GALNT7: variants seen among roughly 807,000 people sequenced by gnomAD.
GALNT7 encodes N-acetylgalactosaminyltransferase 7.
GALNT7 carries 60 observed loss-of-function variants against 82.1 expected under a neutral mutation model. That is an observed-to-expected ratio of 0.73 (90% confidence interval 0.59 to 0.91). The LOEUF (loss-of-function observed/expected upper bound fraction) is 0.91. GALNT7 is among the 40% of genes least tolerant of loss of function. GALNT7 has a pLI of 0.00. For synonymous variants in GALNT7, 243 were observed against 275.1 expected (o/e 0.88, Z 1.15); for missense variants, 660 against 804.2 (o/e 0.82, Z 2.17).
rs75599494 is a variant in GALNT7 at position 173,289,940 on chromosome 4, G to C, written c.588-2168G>C. On this transcript the variant is annotated intron_variant, in intron 2 of 11. Transcript: ENST00000265000. ...CAGTTCTAGAGGGTATCTCAAAGTAGAAAGATTGTGGGGTGAAGAATAGAC... is the reference window on the plus strand; with the variant it reads ...CAGTTCTAGAGGGTATCTCAAAGTACAAAGATTGTGGGGTGAAGAATAGAC... Among the ~76,000 whole-genome samples, 802 of 152,294 alleles carry C rather than the reference G, an allele frequency of 5.3e-3. 10 individuals carry two copies. The highest frequency in any genetic ancestry group is 0.019 in the African/African-American group (775 of 41,566).
chr4:173,309,664 A>T (rs1737304545), intron 8 of GALNT7, among the ~76,000 whole-genome samples: 1 of 152,226 alleles, frequency 6.6e-6, no homozygotes, highest in Non-Finnish European at 1.5e-5. Context: ...AGTCAAGTTT[A>T]TTGTTGGCTG....
intron 1 of GALNT7, among the ~76,000 whole-genome samples, chr4:173,213,440 A>G (rs1399304509): frequency 6.6e-6 from 1 of 152,128 alleles, no homozygotes; most frequent in Non-Finnish European, 1.5e-5. Flanking sequence ...GAAGCTGGCA[A>G]GAAAAAAAAA....
intron 8 of GALNT7, among the ~76,000 whole-genome samples, chr4:173,311,121 C>A (rs1003979090): frequency 1.3e-5 from 2 of 152,234 alleles, no homozygotes; most frequent in Admixed American, 6.5e-5. Context: ...ATTTGTCATA[C>A]TGCATTTGCT....
chr4:173,311,322 C>T (rs1039972822), intron 8 of GALNT7, among the ~76,000 whole-genome samples: 3 of 152,160 alleles, frequency 2.0e-5, no homozygotes, highest in Non-Finnish European at 4.4e-5. Context: ...TGTCTAATTT[C>T]GTATGGATTT....
intron 1 of GALNT7, among the ~76,000 whole-genome samples, chr4:173,176,144 G>T (rs989240204): frequency 6.6e-6 from 1 of 152,178 alleles, no homozygotes; most frequent in Non-Finnish European, 1.5e-5. Context: ...GTCAGGGAAG[G>T]TGATGGCCAG....
In GALNT7 at chr4:173,302,552, G is replaced by T. The variant is rs577950032; in HGVS notation, c.1266+388G>T. Among the ~76,000 whole-genome samples, 1 of 152,304 alleles carries T rather than the reference G, an allele frequency of 6.6e-6. No homozygotes were observed. Among genetic ancestry groups the T allele is most frequent in the African/African-American group, 2.4e-5 (1 of 41,576 alleles). On this transcript the variant is annotated intron_variant, in intron 7 of 11. Transcript: ENST00000265000. The surrounding 1 kb of genome is among the most constrained non-coding windows in gnomAD (Gnocchi z 4.2). ...TTTACCACTGTAGGACATGATTCAA[G>T]ACAGAAGCAGAGCCCCACAATGACT...
intron 1 of GALNT7, among the ~76,000 whole-genome samples, chr4:173,173,869 A>T (rs115255227): frequency 2.6e-3 from 400 of 152,342 alleles, no homozygotes; most frequent in African/African-American, 9.0e-3. Context: ...TTTGAAAGGA[A>T]TATAGCTTAA....
At chr4:173,301,084 G>T (rs966192107) in intron 6 of GALNT7, among the ~76,000 whole-genome samples, 2 of 151,802 alleles carry the variant, frequency 1.3e-5, no homozygotes, top group Non-Finnish European at 2.9e-5. Flanking sequence ...GCAGTGAGCC[G>T]CAATCATGCC....
At chr4:173,218,083 T>G (rs1733526371) in intron 1 of GALNT7, among the ~76,000 whole-genome samples, 1 of 152,200 alleles carries the variant, frequency 6.6e-6, no homozygotes, top group Non-Finnish European at 1.5e-5. Context: ...GGAGACAGAT[T>G]AAATTTCAAT....
chr4:173,252,528 A>T (rs765374628), intron 2 of GALNT7, among the ~76,000 whole-genome samples: 1 of 152,158 alleles, frequency 6.6e-6, no homozygotes, highest in Non-Finnish European at 1.5e-5. Flanking sequence ...CATGACTCAC[A>T]CTTCTGTATG....
At chr4:173,291,840 C>T (rs1736545318) in intron 2 of GALNT7, among the ~76,000 whole-genome samples, 2 of 148,758 alleles carry the variant, frequency 1.3e-5, no homozygotes, top group African/African-American at 4.9e-5. Context: ...TAAATACTAT[C>T]TTAAGTGTCC....
intron 1 of GALNT7, among the ~76,000 whole-genome samples, chr4:173,233,115 A>G (rs1215414685): frequency 2.0e-5 from 3 of 152,136 alleles, no homozygotes; most frequent in African/African-American, 4.8e-5. Context: ...TACATACCAC[A>G]TTTTCTTTAT....
chr4:173,231,102 A>T (rs1210430365), intron 1 of GALNT7, among the ~76,000 whole-genome samples: 1 of 152,220 alleles, frequency 6.6e-6, no homozygotes, highest in Non-Finnish European at 1.5e-5. Flanking sequence ...TTTAGTCCTT[A>T]CTTATGGGAC....
At chr4:173,184,049 G>A (rs1187249276) in intron 1 of GALNT7, among the ~76,000 whole-genome samples, 2 of 151,798 alleles carry the variant, frequency 1.3e-5, no homozygotes, top group African/African-American at 4.8e-5. Context: ...TGGGCGGCCG[G>A]GCAGAGACGC....
At chr4:173,236,594 C>A (rs1734237596) in intron 1 of GALNT7, among the ~76,000 whole-genome samples, 1 of 152,154 alleles carries the variant, frequency 6.6e-6, no homozygotes. Flanking sequence ...AGTTTCATCT[C>A]CTGCCCTTCT....
chr4:173,259,179 A>G (rs1388464948), intron 2 of GALNT7, among the ~76,000 whole-genome samples: 1 of 152,196 alleles, frequency 6.6e-6, no homozygotes, highest in Non-Finnish European at 1.5e-5. Flanking sequence ...TTATGGGAGG[A>G]GGGTGTGACA....
At chr4:173,306,107 T>G (rs528552209) in intron 8 of GALNT7, among the ~76,000 whole-genome samples, 31 of 152,306 alleles carry the variant, frequency 2.0e-4, no homozygotes, top group African/African-American at 7.0e-4. Flanking sequence ...TGTAGATTTT[T>G]TCACCTCCTA....
At chr4:173,308,767 G>A (rs1212015403) in intron 8 of GALNT7, among the ~76,000 whole-genome samples, 1 of 152,154 alleles carries the variant, frequency 6.6e-6, no homozygotes, top group Non-Finnish European at 1.5e-5. Context: ...GCTGGGTGTG[G>A]TGGTGGGCAC....
intron 1 of GALNT7, among the ~76,000 whole-genome samples, chr4:173,193,139 A>C (rs564748484): frequency 6.6e-6 from 1 of 152,368 alleles, no homozygotes; most frequent in Non-Finnish European, 1.5e-5. Flanking sequence ...CAAACAGACA[A>C]AAAGGCTCGG....
Sources: gnomAD v4.1 joint callset for allele counts (sites outside exome capture counted in the v4.1 genomes callset) on GRCh38, gnomAD v4.1.1 for gene constraint, Gnocchi (gnomAD v3.1) non-coding constraint, MANE v1.5 for transcripts, NCBI Gene and HGNC (gene_info 2026-07-23, HGNC 2026-07-21) for gene names.